The following SLC24A3 variants were observed in gnomAD, a reference collection of about 807,000 sequenced individuals.
The protein encoded by SLC24A3 is solute carrier family 24 member 3, also known as sodium/potassium/calcium exchanger 3.
In SLC24A3, 28 loss-of-function variants were observed where a neutral mutation model predicts 75.8. The observed-to-expected ratio is 0.37, with a 90% CI of 0.27 to 0.51. The LOEUF is 0.51. SLC24A3 is among the 20% of genes least tolerant of loss of function. SLC24A3 has a pLI of 0.94. For synonymous variants in SLC24A3, 372 were observed against 334.1 expected, an observed-to-expected ratio of 1.11 and a Z score of -1.24; for missense variants, 663 against 847.8, an observed-to-expected ratio of 0.78 and a Z score of 2.71.
chr20:19,307,436 A>T, intron 2 of SLC24A3, among the ~76,000 whole-genome samples: 1 of 152,244 alleles, frequency 6.6e-6, no homozygotes, highest in East Asian at 1.9e-4. Context: ...GAAAAGCTTC[A>T]TGTAGATGAG....
At chr20:19,300,517 A>G (rs1290135848) in intron 2 of SLC24A3, among the ~76,000 whole-genome samples, 1 of 152,216 alleles carries the variant, frequency 6.6e-6, no homozygotes, top group Non-Finnish European at 1.5e-5. Flanking sequence ...AGGAGACGTA[A>G]TGACAAGAAA....
intron 2 of SLC24A3, among the ~76,000 whole-genome samples, chr20:19,424,471 T>C (rs1486044974): frequency 6.6e-6 from 1 of 151,006 alleles, no homozygotes; most frequent in Non-Finnish European, 1.5e-5. Context: ...GGGTGAATCA[T>C]TTAAGGTCAG....
At chr20:19,706,690 G>A (rs1223584192) in intron 15 of SLC24A3, among the ~76,000 whole-genome samples, 1 of 152,070 alleles carries the variant, frequency 6.6e-6, no homozygotes, top group African/African-American at 2.4e-5. Context: ...CATGGTAATG[G>A]AAAGAATAAA....
chr20:19,357,204 TG>T (rs1209409018), intron 2 of SLC24A3, among the ~76,000 whole-genome samples: 2 of 152,190 alleles, frequency 1.3e-5, no homozygotes, highest in Admixed American at 1.3e-4. Context: ...CAAGGGATGC[TG>T]GCAGCCCCCA....
chr20:19,418,905 C>T (rs560862273), intron 2 of SLC24A3, among the ~76,000 whole-genome samples: 17 of 152,200 alleles, frequency 1.1e-4, no homozygotes, highest in African/African-American at 4.1e-4. Flanking sequence ...ATGATTTGAG[C>T]ATCACTTAGA....
intron 2 of SLC24A3, among the ~76,000 whole-genome samples, chr20:19,322,162 G>T (rs1984722562): frequency 1.3e-5 from 2 of 152,100 alleles, no homozygotes; most frequent in Admixed American, 6.5e-5. Context: ...AGGTGCTCCT[G>T]CTTCTCAACA....
chr20:19,713,023 A>G (rs1243224371), intron 15 of SLC24A3, among the ~76,000 whole-genome samples: 1 of 152,240 alleles, frequency 6.6e-6, no homozygotes, highest in Non-Finnish European at 1.5e-5. Flanking sequence ...GAGCCATGGT[A>G]GAGTTTGAGT....
chr20:19,360,337 TC>T lies in SLC24A3; in HGVS notation c.271+79251del, dbSNP rs1333014486. ...AGCCACATCTTCAAATGCCTCCACA[TC>T]TGGGCCTGTGAATATCTCAAAACTT... On this transcript the variant is annotated intron_variant, in intron 2 of 16. Coordinates refer to ENST00000328041, the MANE Select transcript of SLC24A3 (RefSeq NM_020689.4). 2.0e-5 allele frequency among the ~76,000 whole-genome samples: 3 copies of T among 152,212 alleles called. No homozygotes were observed. In the East Asian group the frequency reaches 5.8e-4, roughly 29 times the overall value.
intron 2 of SLC24A3, among the ~76,000 whole-genome samples, chr20:19,370,577 T>C (rs1985975332): frequency 6.6e-6 from 1 of 152,250 alleles, no homozygotes; most frequent in Admixed American, 6.5e-5. Context: ...ACCAGCTGGC[T>C]CCCTGCCTTG....
intron 2 of SLC24A3, among the ~76,000 whole-genome samples, chr20:19,341,740 C>A (rs1282661467): frequency 6.6e-6 from 1 of 152,280 alleles, no homozygotes; most frequent in Non-Finnish European, 1.5e-5. Flanking sequence ...AGAATACAGC[C>A]TTTTTGATAT....
intron 3 of SLC24A3, 146 bp downstream of exon 3, chr20:19,515,710 G>A (rs1289692064): frequency 4.1e-6 from 3 of 723,512 alleles, no homozygotes; most frequent in Non-Finnish European, 2.4e-6. Context: ...CTCTGTAGGG[G>A]GCCATCACCA....
At chr20:19,442,848 C>A (rs748842271) in intron 2 of SLC24A3, among the ~76,000 whole-genome samples, 1 of 152,056 alleles carries the variant, frequency 6.6e-6, no homozygotes, top group Non-Finnish European at 1.5e-5. Context: ...GGTCTATGAT[C>A]CATTTTGAGT....
chr20:19,219,261 T>C (rs913892077), intron 1 of SLC24A3, among the ~76,000 whole-genome samples: 2 of 152,130 alleles, frequency 1.3e-5, no homozygotes, highest in Non-Finnish European at 2.9e-5. Context: ...CTATCCCTTA[T>C]TGGTTTCCCA....
intron 6 of SLC24A3, among the ~76,000 whole-genome samples, chr20:19,589,869 T>C (rs1212751058): frequency 2.6e-5 from 4 of 151,894 alleles, no homozygotes; most frequent in African/African-American, 9.7e-5. Flanking sequence ...TGGCAAAGAG[T>C]CTATTGTCTG....
chr20:19,358,811 G>A (rs1985735908), intron 2 of SLC24A3, among the ~76,000 whole-genome samples: 1 of 152,136 alleles, frequency 6.6e-6, no homozygotes, highest in African/African-American at 2.4e-5. Flanking sequence ...TCACCAATCT[G>A]TGTTCCTTCT....
At chr20:19,359,590 C>A (rs935937737) in intron 2 of SLC24A3, among the ~76,000 whole-genome samples, 1 of 152,212 alleles carries the variant, frequency 6.6e-6, no homozygotes, top group African/African-American at 2.4e-5. Flanking sequence ...CCATAGATTT[C>A]TATCCTCCCA....
intron 2 of SLC24A3, among the ~76,000 whole-genome samples, chr20:19,498,836 C>T (rs977153269): frequency 7.9e-5 from 12 of 152,164 alleles, no homozygotes; most frequent in South Asian, 2.1e-4. Context: ...GCAGAAGCAG[C>T]GGAAATGTTT....
At chr20:19,678,223 C>T (rs1445272193) in intron 9 of SLC24A3, among the ~76,000 whole-genome samples, 14 of 150,134 alleles carry the variant, frequency 9.3e-5, no homozygotes, top group East Asian at 2.0e-4. Flanking sequence ...AGCTGTTGGG[C>T]ACACCTCCCA....
At chr20:19,293,922 C>G (rs1177061854) in intron 2 of SLC24A3, among the ~76,000 whole-genome samples, 2 of 136,768 alleles carry the variant, frequency 1.5e-5, no homozygotes, top group East Asian at 3.9e-4. Context: ...TTCTAGGACA[C>G]CCCCCCACCT....
Sources: allele counts gnomAD v4.1 joint callset (sites outside exome capture counted in the v4.1 genomes callset), GRCh38; gene constraint gnomAD v4.1.1; transcripts MANE v1.5; gene names NCBI Gene and HGNC (gene_info 2026-07-23, HGNC 2026-07-21).